Variants in KRT86 observed in about 807,000 individuals in gnomAD.
KRT86 encodes keratin, type II cuticular Hb6.
Under a neutral mutation model 41.2 loss-of-function variants are expected in KRT86, and 30 were observed. That is an observed-to-expected ratio of 0.73 (90% CI 0.54 to 0.99). The LOEUF is 0.99. KRT86 is among the 50% of genes least tolerant of loss of function. The pLI, the probability that KRT86 is intolerant of heterozygous loss-of-function variation, is 0.00. For synonymous variants in KRT86, 238 were observed against 238.1 expected (o/e 1.00, Z 0.00); for missense variants, 561 against 571.4 (o/e 0.98, Z 0.19).
At position 52,308,426 on chromosome 12, in the gene KRT86, C is replaced by G. The variant is rs527319461; in HGVS notation, c.1302C>G (p.Gly434=). The G allele has an allele frequency of 6.2e-7, 1 of 1,611,892 alleles. No homozygotes were observed. Among genetic ancestry groups the G allele is most frequent in the African/African-American group, 1.3e-5 (1 of 75,062 alleles). ...VNVCVSSSRG[G]VVCGDLCAST... Reference sequence around the variant, plus strand: ...CAGGCGTCAGCAGCTCCCGCGGTGGCGTTGTCTGTGGCGATCTCTGCGCCT... The same window carrying G: ...CAGGCGTCAGCAGCTCCCGCGGTGGGGTTGTCTGTGGCGATCTCTGCGCCT... Residue 434 remains glycine, a synonymous_variant, in exon 11 of 11, where the codon GGC becomes GGG. Coordinates refer to ENST00000423955, the MANE Select transcript of KRT86 (RefSeq NM_001320198.2).
At chr12:52,280,028 T>C (rs1937735941) in intron 2 of KRT86, among the ~76,000 whole-genome samples, 1 of 152,192 alleles carries the variant, frequency 6.6e-6, no homozygotes. Flanking sequence ...TCTATCACCC[T>C]GATGGGGCAT....
At position 52,305,683 on chromosome 12, in the gene KRT86, G is replaced by C; in HGVS notation, c.921G>C (p.Thr307=). 5 of 1,614,082 alleles carry C rather than the reference G, an allele frequency of 3.1e-6. No individual in the cohort carries two copies. The highest frequency in any genetic ancestry group is 4.2e-6 in the Non-Finnish European group (5 of 1,179,952). ...CCCAGTGTGAGGAGATGAAGGCCACGGTGATCAGGCACGGGGAGACCCTGC... is the reference window on the plus strand; with the variant it reads ...CCCAGTGTGAGGAGATGAAGGCCACCGTGATCAGGCACGGGGAGACCCTGC... ...YRSKCEEMKA[T]VIRHGETLRR... The change falls in exon 8 of 11, where the codon ACG becomes ACC. Residue 307 remains threonine (T), a synonymous_variant. Transcript: ENST00000423955.
intron 7 of KRT86, 78 bp from the exon 8 acceptor site, chr12:52,305,585 C>T (rs1227884091): frequency 2.5e-6 from 4 of 1,612,188 alleles, no homozygotes; most frequent in Non-Finnish European, 3.4e-6. Context: ...CACTGCACAA[C>T]CTGCAAAATC....
rs537910704 is a variant in KRT86, at chr12:52,298,515, GCAACAA to G, written c.-4-3387_-4-3382del. ...TACGTCTGCAGCAGCAGCATCAGCA[GCAACAA>G]CAACAACAACTAATATGATTACACA... On this transcript the variant is annotated intron_variant, in intron 2 of 10. Transcript: ENST00000423955. 3.8e-3 allele frequency among the ~76,000 whole-genome samples: 577 copies of G among 152,306 alleles called. 4 individuals carry two copies. Among genetic ancestry groups the G allele is most frequent in the African/African-American group, 0.013 (541 of 41,560 alleles).
intron 2 of KRT86, among the ~76,000 whole-genome samples, chr12:52,288,740 C>T (rs554694545): frequency 6.6e-6 from 1 of 152,150 alleles, no homozygotes; most frequent in African/African-American, 2.4e-5. Flanking sequence ...CCCAGACTGA[C>T]CCCCCAGCTC....
At chr12:52,306,571 T>A (rs1938524852) in intron 9 of KRT86, 3 of 541,840 alleles carry the variant, frequency 5.5e-6, no homozygotes, top group Non-Finnish European at 9.9e-6. Context: ...TCAGCTTGCC[T>A]GGGTAGTGCT....
At chr12:52,297,858 T>C (rs796115182) in intron 2 of KRT86, among the ~76,000 whole-genome samples, 1 of 152,236 alleles carries the variant, frequency 6.6e-6, no homozygotes, top group East Asian at 1.9e-4. Flanking sequence ...TTGCCTTCTC[T>C]TGCTCTCATT....
chr12:52,288,340 G>C (rs772908046), intron 2 of KRT86: 5 of 1,613,528 alleles, frequency 3.1e-6, no homozygotes, highest in Admixed American at 1.7e-5. Context: ...CCAGGTTTCT[G>C]TCTGGCCCCT....
intron 2 of KRT86, chr12:52,287,619 C>T (rs746507344): frequency 8.1e-6 from 13 of 1,613,822 alleles, no homozygotes; most frequent in Admixed American, 3.3e-5. Flanking sequence ...TTCTCCACCT[C>T]GGCCGTCAGC....
chr12:52,283,074 C>G (rs1592418172), intron 2 of KRT86, among the ~76,000 whole-genome samples: 1 of 152,180 alleles, frequency 6.6e-6, no homozygotes, highest in East Asian at 1.9e-4. Context: ...TCCCTCTAGC[C>G]CCTAATCCTG....
At chr12:52,284,169 GC>G (rs1384930330) in intron 2 of KRT86, among the ~76,000 whole-genome samples, 1 of 151,920 alleles carries the variant, frequency 6.6e-6, no homozygotes, top group Non-Finnish European at 1.5e-5. Context: ...CCTGACAGGG[GC>G]TGCTGCTGCT....
rs1222397883 is a variant in KRT86 at position 52,301,166 on chromosome 12, AG to A, written c.-4-740del. On this transcript the variant is annotated intron_variant, in intron 2 of 10. Transcript: ENST00000423955. ...GTGTGAGTGTGTATGTGAAAGAGAG[AG>A]GGGGGGTTGTGAGTAGGAAGGCCAG... Among the ~76,000 whole-genome samples, 5 of 147,428 alleles carry A rather than the reference AG, an allele frequency of 3.4e-5. No individual in the cohort carries two copies. The East Asian group carries it at 7.8e-4, about 23-fold the overall frequency.
Position 52,305,527 on chromosome 12 carries a change from T to G in KRT86, c.900+123T>G, listed in dbSNP as rs1938490025. On this transcript the variant is annotated intron_variant, in intron 7 of 10. Transcript: ENST00000423955. ...TGAGAAGAGATGGCTGCCACTCTGA[T>G]GTTGGGGTGGTAGGGCAGGACTGCC... is the stretch of plus-strand genomic sequence containing the variant. 3 of 1,598,298 alleles carry G rather than the reference T, an allele frequency of 1.9e-6. No individual in the cohort carries two copies. In the Admixed American group the frequency reaches 5.2e-5, roughly 28 times the overall value.
rs965450179 is a variant in KRT86 at position 52,286,377 on chromosome 12, C to T, written c.-5+10431C>T. 3.7e-5 allele frequency: 57 copies of T among 1,555,136 alleles called. 1 individual carries two copies. The highest frequency in any genetic ancestry group is 5.8e-5 in the Admixed American group (3 of 51,472). ...AATTGGCCGCAGGGCGCACACAGGCCGGTGCTCACCGCCACGTTCCCGTTG... is the reference window on the plus strand; with the variant it reads ...AATTGGCCGCAGGGCGCACACAGGCTGGTGCTCACCGCCACGTTCCCGTTG... On this transcript the variant is annotated intron_variant, in intron 2 of 10. Coordinates refer to ENST00000423955, the MANE Select transcript of KRT86 (RefSeq NM_001320198.2).
chr12:52,306,151 G>T lies in KRT86; in HGVS notation c.1118G>T (p.Gly373Val), dbSNP rs768991511. ...CGCTGCAAGTTGGCCGAGCTGGAGG[G>T]TGCCCTGCAGAAGGCCAAGCAGGAC... The part of the protein sequence containing the change: ...DARCKLAELE[G>V]ALQKAKQDMA... The change falls in exon 9 of 11, where the codon GGT becomes GTT. Residue 373 changes from glycine (G) to valine (V), a missense_variant. Transcript: ENST00000423955. 2.5e-6 allele frequency: 4 copies of T among 1,613,962 alleles called. No individual in the cohort carries two copies. The highest frequency in any genetic ancestry group is 1.1e-5 in the South Asian group (1 of 91,078).
chr12:52,307,009 C>A (rs1938534364), intron 9 of KRT86: 1 of 152,994 alleles, frequency 6.5e-6, no homozygotes, highest in Non-Finnish European at 1.5e-5. Context: ...CCCTTGGTTT[C>A]TTTCCCCTAG....
At chr12:52,300,269 G>T (rs1218551280) in intron 2 of KRT86, among the ~76,000 whole-genome samples, 1 of 152,142 alleles carries the variant, frequency 6.6e-6, no homozygotes, top group African/African-American at 2.4e-5. Flanking sequence ...GACATAAGGT[G>T]CAATCTGCTA....
intron 9 of KRT86, chr12:52,306,543 C>G (rs1363373013): frequency 1.6e-6 from 1 of 606,256 alleles, no homozygotes; most frequent in Non-Finnish European, 2.9e-6. Context: ...TACTGAGAAG[C>G]CTAATTAAGG....
At chr12:52,304,812 C>A in intron 5 of KRT86, 120 bp from the exon 6 acceptor site, 2 of 1,096,994 alleles carry the variant, frequency 1.8e-6, no homozygotes, top group Non-Finnish European at 2.8e-6. Flanking sequence ...AAGGAGAGGG[C>A]ATGGGAATGA....
Sources: gnomAD v4.1 joint callset for allele counts (sites outside exome capture counted in the v4.1 genomes callset) on GRCh38, gnomAD v4.1.1 for gene constraint, MANE v1.5 for transcripts, NCBI Gene and HGNC (gene_info 2026-07-23, HGNC 2026-07-21) for gene names.